Variants in DMC1 observed in about 807,000 individuals in gnomAD.
DMC1 encodes meiotic recombination protein DMC1 homolog.
DMC1 carries 27 observed loss-of-function variants against 50.1 expected under a neutral mutation model. That is an observed-to-expected ratio of 0.54 (90% confidence interval 0.40 to 0.74). DMC1 has a LOEUF of 0.74. DMC1 is among the 30% of genes least tolerant of loss of function. DMC1 has a pLI of 0.00. For synonymous variants in DMC1, 148 were observed against 136.1 expected (o/e 1.09, Z -0.61); for missense variants, 295 against 420.2 (o/e 0.70, Z 2.60).
intron 2 of DMC1, among the ~76,000 whole-genome samples, 186 bp downstream of exon 2, chr22:38,568,020 T>C (rs2090598285): frequency 6.6e-6 from 1 of 152,222 alleles, no homozygotes; most frequent in Admixed American, 6.5e-5. Context: ...GTCATTAAAA[T>C]ACTTTCATAC....
At chr22:38,553,533 A>G (rs1049727064) in intron 6 of DMC1, among the ~76,000 whole-genome samples, 1 of 149,280 alleles carries the variant, frequency 6.7e-6, no homozygotes, top group Non-Finnish European at 1.5e-5. Flanking sequence ...TTAAGACCCT[A>G]CCACCTGGGG....
chr22:38,514,231 A>G (rs1237665172), downstream of DMC1, among the ~76,000 whole-genome samples: 1 of 147,154 alleles, frequency 6.8e-6, no homozygotes, highest in Non-Finnish European at 1.5e-5. Context: ...CTGCATTCCC[A>G]GGAGGTTAGG....
chr22:38,530,307 C>T (rs1484527594), intron 12 of DMC1, among the ~76,000 whole-genome samples: 1 of 150,898 alleles, frequency 6.6e-6, no homozygotes, highest in Non-Finnish European at 1.5e-5. Flanking sequence ...AAGGGGAGTA[C>T]CGCCAAAGAA....
chr22:38,552,518 A>G (rs1420088164), intron 7 of DMC1, 148 bp downstream of exon 7: 4 of 672,364 alleles, frequency 5.9e-6, no homozygotes, highest in Non-Finnish European at 1.1e-5. Context: ...CAGCTGTATA[A>G]CCACGGGCAG....
At chr22:38,564,493 A>G (rs2090561365) in intron 4 of DMC1, among the ~76,000 whole-genome samples, 1 of 152,040 alleles carries the variant, frequency 6.6e-6, no homozygotes, top group Non-Finnish European at 1.5e-5. Flanking sequence ...TATTTTTAGT[A>G]GAGACAGGGT....
chr22:38,543,756 T>TTGCTCTGTCCTAAGTCACCCCTGGTCACC (rs2090312734), intron 8 of DMC1, among the ~76,000 whole-genome samples: 3 of 152,162 alleles, frequency 2.0e-5, no homozygotes, highest in Admixed American at 6.5e-5. Context: ...CCCTGGTCAA[T>TTGCTCTGTCCTAAGTCACCCCTGGTCACC]TGCTCTGTCC....
At chr22:38,514,591 TG>T (rs2089963615), downstream of DMC1, among the ~76,000 whole-genome samples, 1 of 152,050 alleles carries the variant, frequency 6.6e-6, no homozygotes, top group African/African-American at 2.4e-5. Context: ...ACAAAGACCT[TG>T]CTGATAAAAC....
chr22:38,524,395 G>A (rs560971547), intron 12 of DMC1, among the ~76,000 whole-genome samples: 22 of 151,980 alleles, frequency 1.4e-4, no homozygotes, highest in African/African-American at 4.8e-4. Flanking sequence ...CAGCCCAGGC[G>A]ACAGAGCGAG....
At position 38,521,652 on chromosome 22, in the gene DMC1, C is replaced by T; in HGVS notation, c.909G>A (p.Leu303=). The T allele has an allele frequency of 1.2e-6, 2 of 1,613,870 alleles. No homozygotes were observed. Among genetic ancestry groups the T allele is most frequent in the Non-Finnish European group, 1.7e-6 (2 of 1,179,936 alleles). ...LAHASTTRIS[L]RKGRGELRIA... ...TTCTGAGCTCTCCTCTTCCCTTTCG[C>T]AAGCTTATTCTTGTTGTTGAAGCAT... Residue 303 remains leucine (L), a synonymous_variant, in exon 13 of 14, where the codon TTG becomes TTA. Coordinates refer to ENST00000216024, the MANE Select transcript of DMC1 (RefSeq NM_007068.4).
intron 1 of DMC1, among the ~76,000 whole-genome samples, chr22:38,568,594 T>TA (rs1006874647): frequency 3.9e-5 from 6 of 152,346 alleles, no homozygotes; most frequent in African/African-American, 1.4e-4. Flanking sequence ...ATTGCACAGC[T>TA]AATCATGACT....
At chr22:38,512,715 G>A in the DMC1 span, among the ~76,000 whole-genome samples, 1 of 152,202 alleles carries the variant, frequency 6.6e-6, no homozygotes, top group South Asian at 2.1e-4. Flanking sequence ...GCACTCTGTT[G>A]TTACCTTGGT....
downstream of DMC1, among the ~76,000 whole-genome samples, chr22:38,517,890 G>A (rs1485130014): frequency 1.3e-5 from 2 of 151,960 alleles, no homozygotes; most frequent in African/African-American, 2.4e-5. Flanking sequence ...TGCCGAGTTA[G>A]TCTCTGTTTT....
At chr22:38,530,472 G>A (rs1017825551) in intron 12 of DMC1, among the ~76,000 whole-genome samples, 2 of 151,764 alleles carry the variant, frequency 1.3e-5, no homozygotes, top group African/African-American at 2.4e-5. Context: ...TCTTTTTTGC[G>A]GGGGGAGGTG....
At chr22:38,522,215 T>C (rs1428341909) in intron 12 of DMC1, among the ~76,000 whole-genome samples, 3 of 149,984 alleles carry the variant, frequency 2.0e-5, no homozygotes, top group African/African-American at 7.3e-5. Flanking sequence ...CCTCCCAAAG[T>C]GCTGGGGTTA....
intron 5 of DMC1, among the ~76,000 whole-genome samples, chr22:38,559,012 G>C (rs1278173694): frequency 6.6e-6 from 1 of 151,946 alleles, no homozygotes; most frequent in African/African-American, 2.4e-5. Flanking sequence ...GACAATGCTG[G>C]GTTAAACAGG....
chr22:38,520,933 G>T (rs920864004), intron 13 of DMC1, among the ~76,000 whole-genome samples: 10 of 150,222 alleles, frequency 6.7e-5, no homozygotes, highest in African/African-American at 2.2e-4. Flanking sequence ...CTGGAGTGCA[G>T]TGGCGCGATC....
intron 5 of DMC1, among the ~76,000 whole-genome samples, chr22:38,561,374 C>G (rs535741489): frequency 6.6e-6 from 1 of 152,034 alleles, no homozygotes; most frequent in East Asian, 1.9e-4. Context: ...CTTTTTTCCT[C>G]CTTGTAATTT....
chr22:38,557,489 C>A (rs962781460), intron 5 of DMC1, among the ~76,000 whole-genome samples: 1 of 151,842 alleles, frequency 6.6e-6, no homozygotes, highest in Admixed American at 6.6e-5. Flanking sequence ...GTGGATCGCT[C>A]GAGCCTGGGA....
intron 6 of DMC1, among the ~76,000 whole-genome samples, chr22:38,554,679 TA>T (rs55909973): frequency 1.8e-4 from 26 of 146,480 alleles, no homozygotes; most frequent in South Asian, 2.2e-4. Context: ...ATCTATTATT[TA>T]AAAAAAAAAA....
Sources: allele counts gnomAD v4.1 joint callset (sites outside exome capture counted in the v4.1 genomes callset), GRCh38; gene constraint gnomAD v4.1.1; transcripts MANE v1.5; gene names NCBI Gene and HGNC (gene_info 2026-07-23, HGNC 2026-07-21).